The following SLC38A12 variants were observed in gnomAD, a reference collection of about 807,000 sequenced individuals.
SLC38A12 encodes the protein solute carrier family 38 member 12, also known as putative sodium-coupled neutral amino acid transporter 12.
the SLC38A12 span, among the ~76,000 whole-genome samples, chr17:74,797,284 C>T: frequency 1.3e-5 from 2 of 152,156 alleles, no homozygotes; most frequent in Non-Finnish European, 2.9e-5. Context: ...ACTCTCTGAC[C>T]GAACAGAAGG....
the SLC38A12 span, among the ~76,000 whole-genome samples, chr17:74,827,554 C>T: frequency 5.3e-5 from 8 of 152,120 alleles, no homozygotes; most frequent in Non-Finnish European, 1.2e-4. This position sits in a 1 kb window ranked among gnomAD's most constrained non-coding sequence, Gnocchi z 4.7. Flanking sequence ...CCTCGGCCTC[C>T]CAAAGTGGTG....
the SLC38A12 span, among the ~76,000 whole-genome samples, chr17:74,794,558 A>G: frequency 6.6e-6 from 1 of 152,122 alleles, no homozygotes; most frequent in Non-Finnish European, 1.5e-5. Flanking sequence ...GCTATTTTCC[A>G]TCAACTTCTC....
the SLC38A12 span, chr17:74,839,326 G>T: frequency 2.8e-6 from 2 of 721,266 alleles, no homozygotes; most frequent in Non-Finnish European, 2.2e-6. Context: ...CAGAGTGGTG[G>T]GGAGGACAGG....
the SLC38A12 span, among the ~76,000 whole-genome samples, chr17:74,820,295 C>G: frequency 6.6e-6 from 1 of 152,240 alleles, no homozygotes; most frequent in Non-Finnish European, 1.5e-5. Context: ...GCCAGCGGGC[C>G]ATGGCAGCAG....
At chr17:74,821,862 G>A in the SLC38A12 span, among the ~76,000 whole-genome samples, 1 of 152,198 alleles carries the variant, frequency 6.6e-6, no homozygotes, top group African/African-American at 2.4e-5. Context: ...ACTGGGGAGG[G>A]GGAAAGGGCC....
the SLC38A12 span, among the ~76,000 whole-genome samples, chr17:74,792,758 A>G: frequency 4.6e-5 from 7 of 152,248 alleles, no homozygotes; most frequent in African/African-American, 9.6e-5. Context: ...AGGCCGCCCT[A>G]GGGCCTGGTT....
chr17:74,785,716 C>A, the SLC38A12 span: 3 of 1,392,308 alleles, frequency 2.2e-6, no homozygotes, highest in East Asian at 2.5e-5. Flanking sequence ...CTGTCTACCC[C>A]GTATCGAGCT....
the SLC38A12 span, chr17:74,790,286 C>T: frequency 1.9e-6 from 3 of 1,614,036 alleles, no homozygotes; most frequent in South Asian, 3.3e-5. Context: ...AGCGGCCCAT[C>T]CTGTCTGTGC....
the SLC38A12 span, chr17:74,795,079 T>C: frequency 8.1e-6 from 13 of 1,614,216 alleles, no homozygotes; most frequent in Non-Finnish European, 1.0e-5. Flanking sequence ...TCTATGCTGC[T>C]GCCGTGCCCT....
the SLC38A12 span, among the ~76,000 whole-genome samples, chr17:74,786,070 G>A: frequency 1.2e-4 from 18 of 152,302 alleles, no homozygotes; most frequent in East Asian, 1.9e-3. Flanking sequence ...ATAAACACAC[G>A]CCTGGGTGCA....
At chr17:74,808,716 G>T in the SLC38A12 span, among the ~76,000 whole-genome samples, 37 of 152,336 alleles carry the variant, frequency 2.4e-4, no homozygotes, top group African/African-American at 8.4e-4. Flanking sequence ...CCAGCTCCCA[G>T]CTAGAAGCTT....
chr17:74,792,216 C>A, the SLC38A12 span, among the ~76,000 whole-genome samples: 2 of 152,044 alleles, frequency 1.3e-5, no homozygotes, highest in African/African-American at 2.4e-5. Flanking sequence ...TTTGGGAGGC[C>A]GAGGCAGGCG....
chr17:74,785,516 G>A, the SLC38A12 span: 1 of 1,614,122 alleles, frequency 6.2e-7, no homozygotes, highest in Non-Finnish European at 8.5e-7. Context: ...CTCATCGTGG[G>A]CACGGGCGCA....
At chr17:74,795,114 G>C in the SLC38A12 span, 1 of 1,613,944 alleles carries the variant, frequency 6.2e-7, no homozygotes, top group South Asian at 1.1e-5. Context: ...GTGACCTGGT[G>C]AGTACCCTCC....
the SLC38A12 span, chr17:74,835,788 A>G: frequency 6.8e-7 from 1 of 1,468,756 alleles, no homozygotes; most frequent in Non-Finnish European, 9.0e-7. Context: ...GAGCCACCCA[A>G]GAACAGGGCT....
the SLC38A12 span, among the ~76,000 whole-genome samples, chr17:74,784,651 A>G: frequency 6.6e-6 from 1 of 152,178 alleles, no homozygotes; most frequent in Non-Finnish European, 1.5e-5. Context: ...ACTGGAGAGC[A>G]TCACAGAAGG....
At chr17:74,788,928 G>A in the SLC38A12 span, 2 of 1,513,634 alleles carry the variant, frequency 1.3e-6, no homozygotes, top group East Asian at 2.4e-5. Context: ...TACCCAGCAG[G>A]CGGTCTCAGC....
At chr17:74,809,348 C>T in the SLC38A12 span, among the ~76,000 whole-genome samples, 5 of 152,158 alleles carry the variant, frequency 3.3e-5, no homozygotes, top group East Asian at 1.9e-4. Flanking sequence ...GCCTTCCAGA[C>T]GCCTCTGGTT....
the SLC38A12 span, among the ~76,000 whole-genome samples, chr17:74,835,028 A>C: frequency 6.6e-6 from 1 of 152,184 alleles, no homozygotes. Context: ...GCGTGCTGTG[A>C]GCCTGTCTCC....
Sources: gnomAD v4.1 joint callset for allele counts (sites outside exome capture counted in the v4.1 genomes callset) on GRCh38, gnomAD v4.1.1 for gene constraint, Gnocchi (gnomAD v3.1) non-coding constraint, MANE v1.5 for transcripts, NCBI Gene and HGNC (gene_info 2026-07-23, HGNC 2026-07-21) for gene names.